EXT1: variants seen among roughly 807,000 people sequenced by gnomAD.
The protein encoded by EXT1 is exostosin glycosyltransferase 1.
A neutral mutation model predicts 82.5 loss-of-function variants in EXT1; 20 were observed. The observed-to-expected ratio is 0.24, with a 90% CI of 0.17 to 0.35. EXT1 has a LOEUF of 0.35. EXT1 is among the 10% of genes least tolerant of loss of function. EXT1 has a pLI of 1.00. For synonymous variants in EXT1, 348 were observed against 350.8 expected, an observed-to-expected ratio of 0.99 and a Z score of 0.09; for missense variants, 757 against 936.5, an observed-to-expected ratio of 0.81 and a Z score of 2.50.
chr8:117,875,142 C>T (rs7826442), intron 1 of EXT1, among the ~76,000 whole-genome samples: 19 of 151,978 alleles, frequency 1.3e-4, no homozygotes, highest in Middle Eastern at 3.4e-3. Flanking sequence ...TGGGGCCAGG[C>T]GCCGTGGCTC....
In EXT1 at chr8:118,043,208, G is replaced by GA. The variant is rs374406468; in HGVS notation, c.962+66876dup. Among the ~76,000 whole-genome samples, 584 of 152,260 alleles carry GA rather than the reference G, an allele frequency of 3.8e-3. 2 individuals carry two copies. Among genetic ancestry groups the GA allele is most frequent in the African/African-American group, 0.013 (527 of 41,510 alleles). On this transcript the variant is annotated intron_variant, in intron 1 of 10. Transcript: ENST00000378204. ...TTCACTTTTCAGTTCTTTGAAGTGT[G>GA]AAGCAAAACCAAATGCCTGAAGCCA...
chr8:117,841,472 C>T (rs1415693641), intron 1 of EXT1, among the ~76,000 whole-genome samples: 3 of 152,146 alleles, frequency 2.0e-5, no homozygotes, highest in African/African-American at 7.2e-5. Context: ...GACTAATTCT[C>T]CCTCGTTTCT....
chr8:117,811,756 A>C (rs542112662), intron 8 of EXT1, among the ~76,000 whole-genome samples: 2 of 152,178 alleles, frequency 1.3e-5, no homozygotes, highest in Admixed American at 1.3e-4. Context: ...AGCTGAGAAT[A>C]CAGGCACCTG....
intron 1 of EXT1, among the ~76,000 whole-genome samples, chr8:117,891,264 G>A (rs1813235973): frequency 6.6e-6 from 1 of 152,190 alleles, no homozygotes; most frequent in South Asian, 2.1e-4. Context: ...GAAGAAGGGA[G>A]CATTTATGCA....
At chr8:117,994,076 C>T (rs1484558650) in intron 1 of EXT1, among the ~76,000 whole-genome samples, 1 of 152,158 alleles carries the variant, frequency 6.6e-6, no homozygotes, top group Non-Finnish European at 1.5e-5. Flanking sequence ...CTGTGCTGCC[C>T]AATGACACAG....
intron 1 of EXT1, among the ~76,000 whole-genome samples, chr8:117,844,636 A>G (rs188449113): frequency 6.6e-6 from 1 of 152,278 alleles, no homozygotes; most frequent in East Asian, 1.9e-4. Flanking sequence ...AATATGGAAA[A>G]GTATAGGTCC....
intron 1 of EXT1, among the ~76,000 whole-genome samples, chr8:118,032,462 T>C (rs1816342543): frequency 6.6e-6 from 1 of 151,910 alleles, no homozygotes; most frequent in South Asian, 2.1e-4. Context: ...CTAGTGTCTT[T>C]AAAATACCAT....
chr8:117,945,919 G>T (rs1814378464), intron 1 of EXT1, among the ~76,000 whole-genome samples: 1 of 151,890 alleles, frequency 6.6e-6, no homozygotes, highest in Non-Finnish European at 1.5e-5. Flanking sequence ...TGTTTTGTTT[G>T]AGATGCGAGT....
rs1413358745 is a variant in EXT1 at position 117,979,377 on chromosome 8, AAC to A, written c.962+130706_962+130707del. 2.0e-3 allele frequency among the ~76,000 whole-genome samples: 161 copies of A among 82,098 alleles called. 3 individuals are homozygous for A. Among genetic ancestry groups the A allele is most frequent in the East Asian group, 0.019 (63 of 3,330 alleles). 53.9% of individuals were successfully genotyped at this position (82,098 alleles called of 152,430 possible). On this transcript the variant is annotated intron_variant, in intron 1 of 10. Transcript: ENST00000378204. ...TCAAAAACAAACAAACAAACAAACAAACAAAAAAACAAAACAAAAAAAGATCC... is the reference window on the plus strand; with the variant it reads ...TCAAAAACAAACAAACAAACAAACAAAAAAAAACAAAACAAAAAAAGATCC...
intron 1 of EXT1, among the ~76,000 whole-genome samples, chr8:117,940,334 G>C (rs1182699642): frequency 6.6e-6 from 1 of 152,144 alleles, no homozygotes; most frequent in Non-Finnish European, 1.5e-5. Flanking sequence ...GGGAACCTGT[G>C]GTATAATCTC....
chr8:117,814,505 T>C (rs1254204078), intron 7 of EXT1, among the ~76,000 whole-genome samples: 3 of 152,086 alleles, frequency 2.0e-5, no homozygotes, highest in African/African-American at 7.2e-5. Flanking sequence ...GGAGGGAAAC[T>C]GAGATACACA....
At chr8:117,846,015 G>A (rs1021978433) in intron 1 of EXT1, among the ~76,000 whole-genome samples, 1 of 152,152 alleles carries the variant, frequency 6.6e-6, no homozygotes. Context: ...TGCCAGCAAA[G>A]GTGAAAATAA....
Position 118,061,149 on chromosome 8 carries a change from A to G in EXT1, c.962+48936T>C, listed in dbSNP as rs17476889. Among the ~76,000 whole-genome samples, 1,456 of 152,318 alleles carry G rather than the reference A, an allele frequency of 9.6e-3. 21 individuals carry two copies. Among genetic ancestry groups the G allele is most frequent in the African/African-American group, 0.032 (1,348 of 41,572 alleles). ...TTCTCATCTAAAATCCATCCTTATT[A>G]GGGCACCATAGTGAAGTGAACTAAA... On this transcript the variant is annotated intron_variant, in intron 1 of 10. Coordinates refer to ENST00000378204, the MANE Select transcript of EXT1 (RefSeq NM_000127.3).
intron 1 of EXT1, among the ~76,000 whole-genome samples, chr8:117,860,103 C>T (rs143043738): frequency 0.02 from 2,734 of 138,454 alleles, 74 homozygotes; most frequent in African/African-American, 0.068. Flanking sequence ...GCTGAGATCA[C>T]GCTACTGCCC....
chr8:117,887,678 T>G (rs1271633252), intron 1 of EXT1, among the ~76,000 whole-genome samples: 1 of 107,532 alleles, frequency 9.3e-6, no homozygotes, highest in African/African-American at 3.2e-5. Context: ...ATTCATTAGT[T>G]TCTCTCTTTC....
chr8:117,972,752 A>C (rs1460880614), intron 1 of EXT1, among the ~76,000 whole-genome samples: 1 of 152,184 alleles, frequency 6.6e-6, no homozygotes, highest in Non-Finnish European at 1.5e-5. Flanking sequence ...AAGGGAAGCA[A>C]ACAGGTCCTT....
At chr8:118,043,290 C>T (rs1237007598) in intron 1 of EXT1, among the ~76,000 whole-genome samples, 4 of 152,186 alleles carry the variant, frequency 2.6e-5, no homozygotes, top group Admixed American at 6.5e-5. Flanking sequence ...ACTGCCTTGG[C>T]GATTCAGTGC....
intron 1 of EXT1, among the ~76,000 whole-genome samples, chr8:118,101,978 G>A: frequency 6.6e-6 from 1 of 151,402 alleles, no homozygotes; most frequent in East Asian, 1.9e-4. Flanking sequence ...AGTTAAATAT[G>A]TAAGAAGGCT....
At position 117,798,584 on chromosome 8, in the gene EXT1, C is replaced by G. The variant is rs180703054; in HGVS notation, c.*1128G>C. The G allele has an allele frequency of 1.7e-4, 26 of 152,304 alleles. No homozygotes were observed. The highest frequency in any genetic ancestry group is 4.6e-4 in the Admixed American group (7 of 15,294). 9.4% of individuals were successfully genotyped at this position (152,304 alleles called of 1,614,324 possible). On this transcript the variant is annotated 3_prime_UTR_variant, in exon 11 of 11. Transcript: ENST00000378204. ...TGTTGATTATTTTGTTTGCCAGATTCTTGCTCAAAACAATGTTTGACCAAA... is the reference window on the plus strand; with the variant it reads ...TGTTGATTATTTTGTTTGCCAGATTGTTGCTCAAAACAATGTTTGACCAAA...
Sources: gnomAD v4.1 joint callset for allele counts (sites outside exome capture counted in the v4.1 genomes callset) on GRCh38, gnomAD v4.1.1 for gene constraint, MANE v1.5 for transcripts, NCBI Gene and HGNC (gene_info 2026-07-23, HGNC 2026-07-21) for gene names.